SNAP25: variants seen among roughly 807,000 people sequenced by gnomAD.
The protein encoded by SNAP25 is synaptosome associated protein 25, also known as synaptosomal-associated protein 25.
A neutral mutation model predicts 28.7 loss-of-function variants in SNAP25; 3 were observed. The observed-to-expected ratio is 0.10, with a 90% CI of 0.05 to 0.27. The LOEUF (loss-of-function observed/expected upper bound fraction) is 0.27, where lower values mean the gene tolerates loss of function less well. SNAP25 is among the 10% of genes least tolerant of loss of function. The probability of loss-of-function intolerance (pLI) is 1.00; values close to 1 mark genes in which losing one functional copy is unlikely to be tolerated. For missense variants in SNAP25, 117 were observed against 278.7 expected (o/e 0.42, Z 4.13); for synonymous variants, 61 against 88.1 (o/e 0.69, Z 1.72).
chr20:10,270,698 CA>C (rs60294713), intron 1 of SNAP25, among the ~76,000 whole-genome samples: 2,974 of 133,052 alleles, frequency 0.022, 75 homozygotes, highest in African/African-American at 0.066. Flanking sequence ...AACTCTGTCT[CA>C]AAAAAAAAAA....
intron 7 of SNAP25, among the ~76,000 whole-genome samples, chr20:10,301,107 A>T (rs2123171380): frequency 6.6e-6 from 1 of 152,308 alleles, no homozygotes; most frequent in South Asian, 2.1e-4. Context: ...GAAGGGTCAA[A>T]CTCTTATTGA....
At chr20:10,303,205 T>C (rs886472462) in intron 7 of SNAP25, among the ~76,000 whole-genome samples, 3 of 152,144 alleles carry the variant, frequency 2.0e-5, no homozygotes, top group African/African-American at 7.2e-5. Flanking sequence ...CTGATACCAT[T>C]TGTAGCTGGA....
chr20:10,286,174 T>G (rs1034382518), intron 4 of SNAP25, among the ~76,000 whole-genome samples: 9 of 152,152 alleles, frequency 5.9e-5, no homozygotes, highest in African/African-American at 2.2e-4. Flanking sequence ...TTAATTGTGG[T>G]ACGGCCATAA....
rs1449140695 is a variant in SNAP25 at position 10,226,565 on chromosome 20, G to A, written c.-64+7588G>A. ...GTTATGCTAGGTGTCCCCTCTTGAG[G>A]TGTCATTATTTTAAAAGGCATGTTT... is the stretch of plus-strand genomic sequence containing the variant. On this transcript the variant is annotated intron_variant, in intron 1 of 7. Coordinates refer to ENST00000254976, the MANE Select transcript of SNAP25 (RefSeq NM_130811.4). 5.9e-5 allele frequency among the ~76,000 whole-genome samples: 9 copies of A among 152,132 alleles called. No individual in the cohort carries two copies. The East Asian group carries it at 1.5e-3, about 26-fold the overall frequency.
chr20:10,230,790 A>G (rs2062815919), intron 1 of SNAP25, among the ~76,000 whole-genome samples: 1 of 152,170 alleles, frequency 6.6e-6, no homozygotes, highest in Non-Finnish European at 1.5e-5. Flanking sequence ...GTCCTGGACC[A>G]TTGGATAGAA....
At chr20:10,234,984 C>T (rs2062892483) in intron 1 of SNAP25, among the ~76,000 whole-genome samples, 1 of 152,202 alleles carries the variant, frequency 6.6e-6, no homozygotes, top group African/African-American at 2.4e-5. Context: ...ATCACTTGAG[C>T]CCAAGAATTC....
At chr20:10,246,929 A>G (rs1194723148) in intron 1 of SNAP25, among the ~76,000 whole-genome samples, 1 of 152,080 alleles carries the variant, frequency 6.6e-6, no homozygotes. Flanking sequence ...AAGTTATTTA[A>G]CTTTCCTGTT....
intron 1 of SNAP25, among the ~76,000 whole-genome samples, chr20:10,268,152 G>A (rs1330470278): frequency 6.6e-6 from 1 of 152,150 alleles, no homozygotes; most frequent in Non-Finnish European, 1.5e-5. Context: ...TAATAGATAA[G>A]GAGAGTTGTC....
Position 10,223,997 on chromosome 20 carries a change from C to T in SNAP25, c.-64+5020C>T, listed in dbSNP as rs954986809. On this transcript the variant is annotated intron_variant, in intron 1 of 7. Transcript: ENST00000254976. The stretch of plus-strand genomic sequence containing the variant: ...TGGGCTTATGGGGAAGAATGTGACA[C>T]TCATTCTAAAAGTGTTTACCTATAC... Among the ~76,000 whole-genome samples the T allele has an allele frequency of 2.0e-5, 3 of 152,142 alleles. No individual in the cohort carries two copies. The East Asian group carries it at 5.8e-4, about 29-fold the overall frequency.
chr20:10,262,078 A>G (rs959243412), intron 1 of SNAP25, among the ~76,000 whole-genome samples: 1 of 152,224 alleles, frequency 6.6e-6, no homozygotes, highest in African/African-American at 2.4e-5. Flanking sequence ...GCCAGCACCC[A>G]CCAGAGAAGA....
intron 1 of SNAP25, among the ~76,000 whole-genome samples, chr20:10,275,069 T>TTAAA (rs377525248): frequency 0.54 from 71,141 of 131,264 alleles, 18,510 homozygotes; most frequent in South Asian, 0.65. Context: ...ATAGAGCTAT[T>TTAAA]TAAATAAATA....
At chr20:10,233,311 A>G (rs1251586142) in intron 1 of SNAP25, among the ~76,000 whole-genome samples, 4 of 149,100 alleles carry the variant, frequency 2.7e-5, no homozygotes, top group Non-Finnish European at 5.9e-5. Context: ...TAAGCCTAAG[A>G]TTCCTTCCAG....
intron 1 of SNAP25, among the ~76,000 whole-genome samples, chr20:10,242,273 G>A (rs1200395738): frequency 6.6e-6 from 1 of 152,206 alleles, no homozygotes; most frequent in Non-Finnish European, 1.5e-5. Flanking sequence ...ACTAGCATCA[G>A]CTGATCCCAG....
intron 1 of SNAP25, among the ~76,000 whole-genome samples, chr20:10,247,057 A>C (rs567071700): frequency 1.1e-4 from 17 of 152,312 alleles, no homozygotes; most frequent in African/African-American, 3.1e-4. Flanking sequence ...GATGTCAACT[A>C]TGGTGTTTCT....
chr20:10,306,073 G>C, intron 7 of SNAP25, 56 bp from the exon 8 acceptor site: 3 of 1,562,974 alleles, frequency 1.9e-6, no homozygotes, highest in Non-Finnish European at 2.6e-6. Context: ...GACCCAGAAG[G>C]GTGAATGGAT....
intron 1 of SNAP25, among the ~76,000 whole-genome samples, chr20:10,257,969 A>G (rs992019668): frequency 6.6e-6 from 1 of 151,796 alleles, no homozygotes; most frequent in African/African-American, 2.4e-5. Context: ...ACCTGTTTGT[A>G]TTACTAAGAA....
At chr20:10,273,994 G>A (rs1322066223) in intron 1 of SNAP25, among the ~76,000 whole-genome samples, 2 of 151,938 alleles carry the variant, frequency 1.3e-5, no homozygotes, top group Non-Finnish European at 2.9e-5. Flanking sequence ...TCATCATCCT[G>A]AATCATCTAA....
At chr20:10,259,528 CTT>C (rs964729264) in intron 1 of SNAP25, among the ~76,000 whole-genome samples, 1 of 150,668 alleles carries the variant, frequency 6.6e-6, no homozygotes, top group African/African-American at 2.4e-5. Flanking sequence ...CTAATCAGGA[CTT>C]TTTTTATTTT....
chr20:10,222,390 G>GC (rs1219714145), intron 1 of SNAP25, among the ~76,000 whole-genome samples: 19 of 152,346 alleles, frequency 1.2e-4, no homozygotes, highest in Non-Finnish European at 1.8e-4. Flanking sequence ...CCTTGAGATG[G>GC]CTTTTGGAGG....
Sources: allele counts gnomAD v4.1 joint callset (sites outside exome capture counted in the v4.1 genomes callset), GRCh38; gene constraint gnomAD v4.1.1; transcripts MANE v1.5; gene names NCBI Gene and HGNC (gene_info 2026-07-23, HGNC 2026-07-21).